The following KCNH5 variants were observed in gnomAD, a reference collection of about 807,000 sequenced individuals.
KCNH5 encodes voltage-gated delayed rectifier potassium channel KCNH5.
Under a neutral mutation model 96.1 loss-of-function variants are expected in KCNH5, and 46 were observed. The ratio of observed to expected loss-of-function variants is 0.48; its 90% CI spans 0.38 to 0.61. The LOEUF (loss-of-function observed/expected upper bound fraction) is 0.61, where lower values mean the gene tolerates loss of function less well. Among genes scored for constraint, KCNH5 ranks in the 20% least tolerant of loss-of-function variants. The pLI is 0.00. For synonymous variants in KCNH5, 439 were observed against 449.8 expected (o/e 0.98, Z 0.30); for missense variants, 907 against 1,225.8 (o/e 0.74, Z 3.88).
chr14:62,943,314 A>C (rs1478530352), intron 7 of KCNH5, among the ~76,000 whole-genome samples: 1 of 152,184 alleles, frequency 6.6e-6, no homozygotes, highest in Non-Finnish European at 1.5e-5. Flanking sequence ...TGAAGACAAG[A>C]GTATAATCCT....
Position 62,706,317 on chromosome 14 carries a change from C to T in KCNH5, c.*1191G>A, listed in dbSNP as rs1244820394. ...GCAAAAAGCTTTAAAAAACTATAAC[C>T]ACAATAAAATGATAGAAAAGCAGTT... On this transcript the variant is annotated 3_prime_UTR_variant, in exon 11 of 11. Transcript: ENST00000322893. 1 of 152,072 alleles carries T rather than the reference C, an allele frequency of 6.6e-6. No homozygotes were observed. Among genetic ancestry groups the T allele is most frequent in the African/African-American group, 2.4e-5 (1 of 41,426 alleles). The allele number at this position is 152,072 out of a possible 1,614,324, so 9.4% of individuals were successfully genotyped here.
intron 10 of KCNH5, among the ~76,000 whole-genome samples, chr14:62,776,302 G>A (rs909119331): frequency 2.6e-5 from 4 of 151,394 alleles, no homozygotes; most frequent in Admixed American, 2.0e-4. Flanking sequence ...TGAGTGACTT[G>A]GTGCCCTTAT....
intron 10 of KCNH5, among the ~76,000 whole-genome samples, chr14:62,746,496 G>A (rs543853003): frequency 7.2e-5 from 11 of 152,300 alleles, no homozygotes; most frequent in South Asian, 4.1e-4. Flanking sequence ...AAAATACCTC[G>A]TGCCCAGATG....
intron 10 of KCNH5, among the ~76,000 whole-genome samples, chr14:62,750,026 C>A (rs1292111198): frequency 3.9e-5 from 6 of 152,136 alleles, no homozygotes; most frequent in Non-Finnish European, 5.9e-5. Flanking sequence ...TGATCCAACC[C>A]CAACTGGTAA....
intron 8 of KCNH5, among the ~76,000 whole-genome samples, chr14:62,833,167 T>C (rs1240883122): frequency 6.6e-6 from 1 of 152,022 alleles, no homozygotes; most frequent in Non-Finnish European, 1.5e-5. Context: ...CCTCACTATC[T>C]AGTTTTGGTT....
intron 7 of KCNH5, among the ~76,000 whole-genome samples, chr14:62,920,995 C>A (rs530790439): frequency 1.3e-5 from 2 of 152,246 alleles, no homozygotes; most frequent in African/African-American, 2.4e-5. Context: ...TTAAAGGCAG[C>A]ACAATTAATT....
intron 10 of KCNH5, among the ~76,000 whole-genome samples, chr14:62,722,734 TA>T (rs1383933570): frequency 6.6e-6 from 1 of 152,192 alleles, no homozygotes; most frequent in East Asian, 1.9e-4. Flanking sequence ...TAATACACTT[TA>T]TAAAGCTCTT....
chr14:62,709,141 G>A (rs956692762), intron 10 of KCNH5, among the ~76,000 whole-genome samples: 23 of 149,526 alleles, frequency 1.5e-4, no homozygotes, highest in Non-Finnish European at 3.0e-5. Flanking sequence ...GCTGAGGCAG[G>A]AGAATGGCGT....
chr14:62,946,209 T>A (rs138254589), intron 7 of KCNH5, among the ~76,000 whole-genome samples: 1 of 152,200 alleles, frequency 6.6e-6, no homozygotes, highest in East Asian at 1.9e-4. Context: ...TATTAATAGA[T>A]GTAACATAGA....
intron 1 of KCNH5, among the ~76,000 whole-genome samples, chr14:63,030,782 CAA>C (rs1891610261): frequency 6.6e-6 from 1 of 152,128 alleles, no homozygotes; most frequent in South Asian, 2.1e-4. Context: ...TCACCAGTGT[CAA>C]AAATAGAGAT....
intron 10 of KCNH5, among the ~76,000 whole-genome samples, chr14:62,748,765 T>C (rs996970524): frequency 5.9e-5 from 9 of 152,094 alleles, no homozygotes; most frequent in African/African-American, 2.2e-4. Flanking sequence ...AAAAAAATCT[T>C]CCAATATCTG....
intron 1 of KCNH5, among the ~76,000 whole-genome samples, chr14:63,027,771 G>A (rs959060483): frequency 6.6e-6 from 1 of 151,906 alleles, no homozygotes; most frequent in African/African-American, 2.4e-5. Context: ...GGACCCCACA[G>A]GCTTAAAAAA....
intron 6 of KCNH5, among the ~76,000 whole-genome samples, chr14:62,969,223 A>T (rs1440714691): frequency 3.3e-5 from 5 of 152,192 alleles, no homozygotes; most frequent in African/African-American, 4.8e-5. Context: ...GAAAATGAAA[A>T]TACAATTTAA....
chr14:62,857,564 C>G (rs949874091), intron 7 of KCNH5, among the ~76,000 whole-genome samples: 2 of 152,146 alleles, frequency 1.3e-5, no homozygotes, highest in Non-Finnish European at 2.9e-5. Context: ...AGAGCCAACC[C>G]GAGTCCCAAA....
intron 6 of KCNH5, among the ~76,000 whole-genome samples, chr14:62,965,219 A>G (rs1362084664): frequency 1.3e-5 from 2 of 152,086 alleles, no homozygotes; most frequent in African/African-American, 4.8e-5. Flanking sequence ...CCAAAACTCA[A>G]GTTGAGATTT....
intron 7 of KCNH5, among the ~76,000 whole-genome samples, chr14:62,873,964 A>AAT (rs1473270288): frequency 1.4e-4 from 21 of 152,312 alleles, no homozygotes; most frequent in South Asian, 4.1e-4. Flanking sequence ...TCGGGGTCTC[A>AAT]ATATGCACTA....
intron 1 of KCNH5, among the ~76,000 whole-genome samples, chr14:63,025,148 A>G (rs1242678849): frequency 2.0e-5 from 3 of 152,180 alleles, no homozygotes; most frequent in African/African-American, 7.2e-5. Flanking sequence ...ATATTGATTC[A>G]ATAGATTTAG....
chr14:62,995,820 C>T (rs530399947), intron 4 of KCNH5, among the ~76,000 whole-genome samples: 1 of 152,164 alleles, frequency 6.6e-6, no homozygotes, highest in South Asian at 2.1e-4. Context: ...AGTTTGCCTC[C>T]CCCACTAGAA....
intron 7 of KCNH5, among the ~76,000 whole-genome samples, chr14:62,851,466 T>C (rs1448631141): frequency 7.0e-6 from 1 of 143,708 alleles, no homozygotes; most frequent in Non-Finnish European, 1.5e-5. Context: ...TAAAGAATTA[T>C]GAAGTTTATT....
Sources: allele counts gnomAD v4.1 joint callset (sites outside exome capture counted in the v4.1 genomes callset), GRCh38; gene constraint gnomAD v4.1.1; transcripts MANE v1.5; gene names NCBI Gene and HGNC (gene_info 2026-07-23, HGNC 2026-07-21).